PALM2AKAP2: variants seen among roughly 807,000 people sequenced by gnomAD.
The protein encoded by PALM2AKAP2 is PALM2 and AKAP2 fusion, also known as PALM2-AKAP2 fusion protein.
A neutral mutation model predicts 71.5 loss-of-function variants in PALM2AKAP2; 37 were observed. The ratio of observed to expected loss-of-function variants is 0.52; its 90% confidence interval spans 0.40 to 0.68. PALM2AKAP2 has a LOEUF of 0.68. Ranked by LOEUF, PALM2AKAP2 falls within the 30% of genes least tolerant of loss-of-function variation. The pLI, the probability that PALM2AKAP2 is intolerant of heterozygous loss-of-function variation, is 0.00. For synonymous variants in PALM2AKAP2, 468 were observed against 478.8 expected (o/e 0.98, Z 0.29); for missense variants, 1,224 against 1,191.8 (o/e 1.03, Z -0.40).
chr9:110,104,165 G>A (rs1467709207), intron 1 of PALM2AKAP2, among the ~76,000 whole-genome samples: 1 of 112,010 alleles, frequency 8.9e-6, no homozygotes, highest in Non-Finnish European at 1.7e-5. Context: ...AAACTTACAA[G>A]ATTTCTGCTT....
rs1827259314 is a variant in PALM2AKAP2, at chr9:109,653,826, T to C, written c.5+12960T>C. Among the ~76,000 whole-genome samples the C allele has an allele frequency of 2.0e-5, 3 of 152,160 alleles. No homozygotes were observed. The South Asian group carries it at 6.2e-4, about 32-fold the overall frequency. ...GTTCCTCATCCTTTTACATTTCCCA[T>C]CCTAAGACAATCTCATAGTAGGCGA... On this transcript the variant is annotated intron_variant, in intron 1 of 6. Coordinates refer to the PALM2AKAP2 transcript ENST00000374531.
At chr9:110,134,600 A>G (rs1835805663) in intron 1 of PALM2AKAP2, among the ~76,000 whole-genome samples, 1 of 152,242 alleles carries the variant, frequency 6.6e-6, no homozygotes. Flanking sequence ...ACAGCAGTGT[A>G]GAGCACTTAC....
intron 3 of PALM2AKAP2, among the ~76,000 whole-genome samples, chr9:109,885,184 T>C (rs1175012934): frequency 1.3e-5 from 2 of 152,222 alleles, no homozygotes; most frequent in African/African-American, 4.8e-5. Flanking sequence ...ACAGACATGT[T>C]TTTTTCCAAA....
chr9:110,001,058 T>G (rs185368576), intron 6 of PALM2AKAP2, among the ~76,000 whole-genome samples: 1 of 152,252 alleles, frequency 6.6e-6, no homozygotes, highest in Admixed American at 6.5e-5. Context: ...TTGCCATTGC[T>G]TTTTGTGTTT....
At chr9:109,876,458 A>C (rs954512865) in intron 2 of PALM2AKAP2, among the ~76,000 whole-genome samples, 1 of 151,420 alleles carries the variant, frequency 6.6e-6, no homozygotes, top group Non-Finnish European at 1.5e-5. Context: ...GACCAGGCCC[A>C]CTGCCTTTTC....
chr9:109,881,847 T>TTCA (rs567634194), intron 3 of PALM2AKAP2, among the ~76,000 whole-genome samples: 1 of 150,038 alleles, frequency 6.7e-6, no homozygotes, highest in African/African-American at 2.4e-5. Context: ...CACCTGGAGC[T>TTCA]TCATCTCTGT....
chr9:109,645,221 C>T (rs886245446), intron 1 of PALM2AKAP2, among the ~76,000 whole-genome samples: 1 of 152,190 alleles, frequency 6.6e-6, no homozygotes, highest in Non-Finnish European at 1.5e-5. Flanking sequence ...AGGAGCAAGT[C>T]ACATCTTATG....
intron 1 of PALM2AKAP2, among the ~76,000 whole-genome samples, chr9:109,822,268 TATCC>T (rs10571516): frequency 0.46 from 68,857 of 150,074 alleles, 15,945 homozygotes; most frequent in Middle Eastern, 0.61. Context: ...CCCATCCATC[TATCC>T]ATCCATCCAT....
intron 1 of PALM2AKAP2, among the ~76,000 whole-genome samples, chr9:109,860,664 A>T (rs74736959): frequency 0.013 from 1,956 of 152,216 alleles, 28 homozygotes; most frequent in Middle Eastern, 0.048. Flanking sequence ...TTGAACTTTA[A>T]ACTGTCTCTG....
chr9:110,046,193 T>C (rs1028865209), upstream of PALM2AKAP2, among the ~76,000 whole-genome samples: 3 of 152,234 alleles, frequency 2.0e-5, no homozygotes, highest in Non-Finnish European at 2.9e-5. Flanking sequence ...ATGGATTTCA[T>C]TGAACAAATT....
rs377440286 is a variant in PALM2AKAP2 at position 109,835,334 on chromosome 9, G to A, written c.46-32157G>A. 3.0e-4 allele frequency among the ~76,000 whole-genome samples: 45 copies of A among 148,396 alleles called. 1 individual carries two copies. The highest frequency in any genetic ancestry group is 1.1e-3 in the African/African-American group (44 of 40,066). ...AGGGTGGAGAGATGGAGAGGAGGGT[G>A]GAGGGATAGAGGAAAGGGTGGAGGG... On this transcript the variant is annotated intron_variant, in intron 1 of 9. Coordinates refer to the PALM2AKAP2 transcript ENST00000302798.
chr9:109,902,936 C>T (rs190970228), intron 3 of PALM2AKAP2, among the ~76,000 whole-genome samples: 12 of 152,208 alleles, frequency 7.9e-5, no homozygotes, highest in African/African-American at 2.4e-4. Context: ...CCACAGATAC[C>T]CAGGTCTACT....
intron 1 of PALM2AKAP2, among the ~76,000 whole-genome samples, chr9:109,659,269 G>T (rs1425237531): frequency 6.6e-6 from 1 of 152,162 alleles, no homozygotes; most frequent in Non-Finnish European, 1.5e-5. Flanking sequence ...AAAGTGTACT[G>T]TTCAATGGCT....
chr9:109,695,785 A>G (rs1265117214), intron 1 of PALM2AKAP2, among the ~76,000 whole-genome samples: 1 of 152,188 alleles, frequency 6.6e-6, no homozygotes, highest in Non-Finnish European at 1.5e-5. Flanking sequence ...AGAAAGACAA[A>G]TATTGCAAGT....
rs190645136 is a variant in PALM2AKAP2, at chr9:109,929,767, G to A, written c.395-2160G>A. 5.7e-4 allele frequency among the ~76,000 whole-genome samples: 87 copies of A among 151,390 alleles called. 1 individual carries two copies. Among genetic ancestry groups the A allele is most frequent in the Middle Eastern group, 3.4e-3 (1 of 294 alleles). ...TAGTCCCAGCTACTCGGGAGGCTGA[G>A]GCAGGAGAATGGCGTGAACCTGGGA... On this transcript the variant is annotated intron_variant, in intron 5 of 9. Coordinates refer to the PALM2AKAP2 transcript ENST00000302798.
At chr9:110,112,204 T>C (rs1835268416) in intron 1 of PALM2AKAP2, among the ~76,000 whole-genome samples, 2 of 151,492 alleles carry the variant, frequency 1.3e-5, no homozygotes, top group African/African-American at 2.4e-5. Flanking sequence ...GAGATACAGC[T>C]AAGAGCTCAA....
chr9:109,795,819 G>C (rs1362745515), intron 1 of PALM2AKAP2, among the ~76,000 whole-genome samples: 1 of 152,220 alleles, frequency 6.6e-6, no homozygotes, highest in Non-Finnish European at 1.5e-5. Flanking sequence ...CTGTAGCCTT[G>C]TGTATTTGTT....
chr9:110,001,510 T>G (rs560605349), intron 6 of PALM2AKAP2, among the ~76,000 whole-genome samples: 1 of 152,318 alleles, frequency 6.6e-6, no homozygotes, highest in South Asian at 2.1e-4. Flanking sequence ...CTTTTTTGGT[T>G]CCATATGAAC....
chr9:109,736,243 A>G (rs1174500312), intron 1 of PALM2AKAP2, among the ~76,000 whole-genome samples: 1 of 152,244 alleles, frequency 6.6e-6, no homozygotes, highest in South Asian at 2.1e-4. Flanking sequence ...AAATACATAT[A>G]ATTTGTGAAT....
Sources: allele counts gnomAD v4.1 joint callset (sites outside exome capture counted in the v4.1 genomes callset), GRCh38; gene constraint gnomAD v4.1.1; transcripts MANE v1.5; gene names NCBI Gene and HGNC (gene_info 2026-07-23, HGNC 2026-07-21).